MSRA: variants seen among roughly 807,000 people sequenced by gnomAD.
The protein encoded by MSRA is mitochondrial peptide methionine sulfoxide reductase.
MSRA carries 54 observed loss-of-function variants against 31.3 expected under a neutral mutation model. The observed-to-expected ratio is 1.73, with a 90% CI of 1.39 to 2.17. The LOEUF is 2.17. Ranked by LOEUF, MSRA falls within the 30% of genes most tolerant of loss-of-function variation. The pLI, the probability that MSRA is intolerant of heterozygous loss-of-function variation, is 0.00. For synonymous variants in MSRA, 169 were observed against 116.5 expected (o/e 1.45, Z -2.90); for missense variants, 507 against 300.9 (o/e 1.69, Z -5.07).
At chr8:10,210,923 A>T (rs1304127142) in intron 2 of MSRA, among the ~76,000 whole-genome samples, 7 of 148,886 alleles carry the variant, frequency 4.7e-5, no homozygotes, top group Non-Finnish European at 1.0e-4. Flanking sequence ...TTTAGTAGAG[A>T]TGGGGTTTTT....
chr8:10,196,885 T>C (rs1159163261), intron 1 of MSRA, among the ~76,000 whole-genome samples: 2 of 152,190 alleles, frequency 1.3e-5, no homozygotes, highest in Non-Finnish European at 2.9e-5. Flanking sequence ...ACAGTACCTT[T>C]ATAAACAAGA....
chr8:10,249,554 A>G (rs13267960), intron 3 of MSRA, among the ~76,000 whole-genome samples: 31,231 of 152,070 alleles, frequency 0.21, 4,079 homozygotes, highest in Admixed American at 0.33. Context: ...CACTGAACCA[A>G]TAGCGCACAG....
chr8:10,161,518 A>C (rs536285336), intron 1 of MSRA, among the ~76,000 whole-genome samples: 2 of 152,334 alleles, frequency 1.3e-5, no homozygotes, highest in South Asian at 4.1e-4. Context: ...GAAAAAATTA[A>C]GTTGTTCTTC....
rs569553807 is a variant in MSRA at position 10,130,166 on chromosome 8, C to G, written c.142+75508C>G. Reference sequence around the variant, plus strand: ...ACTGTCAGGCAGTCCCTTATCCTCACCAATAGAGAATTTTTCTGCCCCAAA... The same window carrying G: ...ACTGTCAGGCAGTCCCTTATCCTCAGCAATAGAGAATTTTTCTGCCCCAAA... On this transcript the variant is annotated intron_variant, in intron 1 of 5. Coordinates refer to ENST00000317173, the MANE Select transcript of MSRA (RefSeq NM_012331.5). Among the ~76,000 whole-genome samples, 49 of 152,292 alleles carry G rather than the reference C, an allele frequency of 3.2e-4. 1 individual carries two copies. Among genetic ancestry groups the G allele is most frequent in the African/African-American group, 1.0e-3 (43 of 41,558 alleles).
intron 1 of MSRA, among the ~76,000 whole-genome samples, chr8:10,148,708 A>G (rs1401803497): frequency 6.8e-6 from 1 of 146,884 alleles, no homozygotes; most frequent in Non-Finnish European, 1.5e-5. Flanking sequence ...AGGCCGAGGC[A>G]GGAGGATTGC....
At chr8:10,172,393 G>C in intron 1 of MSRA, among the ~76,000 whole-genome samples, 1 of 152,188 alleles carries the variant, frequency 6.6e-6, no homozygotes, top group African/African-American at 2.4e-5. Flanking sequence ...TCATTCTGGC[G>C]CTGTCTCTGA....
intron 5 of MSRA, among the ~76,000 whole-genome samples, chr8:10,427,710 G>A (rs549457644): frequency 1.9e-4 from 29 of 152,234 alleles, no homozygotes; most frequent in Admixed American, 7.8e-4. Context: ...CTGTCCACCC[G>A]TTTCATTCCC....
intron 1 of MSRA, among the ~76,000 whole-genome samples, chr8:10,057,025 G>T (rs1802411579): frequency 6.6e-6 from 1 of 152,106 alleles, no homozygotes; most frequent in African/African-American, 2.4e-5. Flanking sequence ...TATTCTTAAG[G>T]ACAATTCCAC....
chr8:10,150,535 C>A (rs944268160), intron 1 of MSRA, among the ~76,000 whole-genome samples: 2 of 152,116 alleles, frequency 1.3e-5, no homozygotes, highest in Non-Finnish European at 2.9e-5. Context: ...GCTTACTACA[C>A]GATAATTATG....
At chr8:10,110,804 T>C (rs1800223235) in intron 1 of MSRA, among the ~76,000 whole-genome samples, 2 of 152,162 alleles carry the variant, frequency 1.3e-5, no homozygotes, top group South Asian at 4.2e-4. Flanking sequence ...CTTTAACCTT[T>C]TGGGGTCATA....
chr8:10,401,284 G>A (rs982594298), intron 5 of MSRA, among the ~76,000 whole-genome samples: 1 of 152,200 alleles, frequency 6.6e-6, no homozygotes, highest in African/African-American at 2.4e-5. Flanking sequence ...AAATGCAAAT[G>A]CTTAATAAGC....
intron 5 of MSRA, among the ~76,000 whole-genome samples, chr8:10,347,252 T>C (rs1160002131): frequency 6.6e-6 from 1 of 152,222 alleles, no homozygotes; most frequent in African/African-American, 2.4e-5. Context: ...AAACAAATGA[T>C]TGATGAATAC....
intron 2 of MSRA, among the ~76,000 whole-genome samples, chr8:10,231,894 C>A (rs1335159030): frequency 6.6e-6 from 1 of 151,750 alleles, no homozygotes; most frequent in Non-Finnish European, 1.5e-5. Context: ...CAGAGCGAGA[C>A]TTTGTCTCAA....
At position 10,371,468 on chromosome 8, in the gene MSRA, G is replaced by A. The variant is rs143634308; in HGVS notation, c.543+51479G>A. Among the ~76,000 whole-genome samples the A allele has an allele frequency of 9.7e-3, 1,472 of 152,254 alleles. 24 individuals carry two copies. The highest frequency in any genetic ancestry group is 0.034 in the African/African-American group (1,419 of 41,534). On this transcript the variant is annotated intron_variant, in intron 5 of 5. Coordinates refer to ENST00000317173, the MANE Select transcript of MSRA (RefSeq NM_012331.5). ...TTTCTAGGGTTCCCACACTTTAGGG[G>A]TGACATAATTGTTTACTTCTCGTTC...
intron 5 of MSRA, among the ~76,000 whole-genome samples, chr8:10,371,338 A>G (rs1805463383): frequency 6.6e-6 from 1 of 152,040 alleles, no homozygotes; most frequent in East Asian, 1.9e-4. Context: ...CTCATGCTGG[A>G]CATGGGGAGA....
At position 10,379,969 on chromosome 8, in the gene MSRA, G is replaced by T. The variant is rs62490348; in HGVS notation, c.544-48179G>T. ...AAGTACTGATTGGGCCAGACGATAC[G>T]AGAGGGTGGGCCTACAATGAGCTAG... is the stretch of plus-strand genomic sequence containing the variant. On this transcript the variant is annotated intron_variant, in intron 5 of 5. Transcript: ENST00000317173. 2.0e-5 allele frequency among the ~76,000 whole-genome samples: 3 copies of T among 152,240 alleles called. No individual in the cohort carries two copies. The East Asian group carries it at 5.8e-4, about 29-fold the overall frequency.
At chr8:10,128,021 A>G (rs1801624921) in intron 1 of MSRA, among the ~76,000 whole-genome samples, 1 of 149,508 alleles carries the variant, frequency 6.7e-6, no homozygotes, top group African/African-American at 2.4e-5. Context: ...ATTTCCAGAG[A>G]GGAGAACTGC....
intron 5 of MSRA, among the ~76,000 whole-genome samples, chr8:10,367,312 G>C (rs541142319): frequency 3.9e-5 from 6 of 152,292 alleles, no homozygotes; most frequent in Non-Finnish European, 8.8e-5. Context: ...ACAATATATT[G>C]TGATAATTCT....
chr8:10,223,939 T>G (rs1255865428), intron 2 of MSRA, among the ~76,000 whole-genome samples: 2 of 152,188 alleles, frequency 1.3e-5, no homozygotes, highest in African/African-American at 2.4e-5. Flanking sequence ...GATGGAATAC[T>G]CACAGACTTG....
Sources: allele counts gnomAD v4.1 joint callset (sites outside exome capture counted in the v4.1 genomes callset), GRCh38; gene constraint gnomAD v4.1.1; transcripts MANE v1.5; gene names NCBI Gene and HGNC (gene_info 2026-07-23, HGNC 2026-07-21).